GNB4: variants seen among roughly 807,000 people sequenced by gnomAD.
GNB4 encodes the protein G protein subunit beta 4, also known as guanine nucleotide-binding protein subunit beta-4.
Under a neutral mutation model 45.2 loss-of-function variants are expected in GNB4, and 28 were observed. The observed-to-expected ratio is 0.62, with a 90% CI of 0.46 to 0.85. The LOEUF is 0.85. Ranked by LOEUF, GNB4 falls within the 40% of genes least tolerant of loss-of-function variation. The pLI, the probability that GNB4 is intolerant of heterozygous loss-of-function variation, is 0.00. For synonymous variants in GNB4, 132 were observed against 143.7 expected (o/e 0.92, Z 0.58); for missense variants, 321 against 425.4 (o/e 0.75, Z 2.16).
chr3:179,468,031 T>TTAAAAAAAAAAAAAAAAAA, the GNB4 span, among the ~76,000 whole-genome samples: 1 of 67,284 alleles, frequency 1.5e-5, no homozygotes, highest in African/African-American at 6.1e-5. Flanking sequence ...ATTTTGTTGA[T>TTAAAAAAAAAAAAAAAAAA]AAAAATATAT....
chr3:179,398,406 T>C lies in GNB4; in HGVS notation c.*2807A>G, dbSNP rs1714184969. On this transcript the variant is annotated 3_prime_UTR_variant, in exon 10 of 10. Transcript: ENST00000232564. The stretch of plus-strand genomic sequence containing the variant: ...GGCACATGCCTATAGTCCCAGCTAC[T>C]TGGGAGGCTGAGGCACAAGAATTGC... 6.6e-6 allele frequency: 1 copy of C among 151,954 alleles called. No homozygotes were observed. The highest frequency in any genetic ancestry group is 1.5e-5 in the Non-Finnish European group (1 of 68,132). 9.4% of individuals were successfully genotyped at this position (151,954 alleles called of 1,614,324 possible).
intron 9 of GNB4, among the ~76,000 whole-genome samples, chr3:179,403,070 A>G (rs557487163): frequency 2.0e-5 from 3 of 152,302 alleles, no homozygotes; most frequent in African/African-American, 7.2e-5. Context: ...CAGCCAGTTT[A>G]TACACTTCAT....
intron 1 of GNB4, among the ~76,000 whole-genome samples, chr3:179,437,297 C>T (rs1715478197): frequency 6.6e-6 from 1 of 152,046 alleles, no homozygotes; most frequent in South Asian, 2.1e-4. Flanking sequence ...AAAAAAGAGA[C>T]TAAGAACCTA....
intron 8 of GNB4, among the ~76,000 whole-genome samples, chr3:179,409,176 A>AAAT (rs1156614988): frequency 6.6e-6 from 1 of 151,898 alleles, no homozygotes. Context: ...TAGAAATTTT[A>AAAT]AAAAGTTCCA....
At chr3:179,418,829 G>C (rs1202458305) in intron 4 of GNB4, among the ~76,000 whole-genome samples, 10 of 152,246 alleles carry the variant, frequency 6.6e-5, no homozygotes. Flanking sequence ...TATACACATA[G>C]TGAATGACAG....
the GNB4 span, among the ~76,000 whole-genome samples, chr3:179,518,283 A>G: frequency 1.3e-4 from 20 of 152,244 alleles, no homozygotes; most frequent in African/African-American, 4.8e-4. Flanking sequence ...ATGCTACAAG[A>G]TCTAAATAAT....
the GNB4 span, among the ~76,000 whole-genome samples, chr3:179,512,810 T>A: frequency 6.6e-6 from 1 of 152,236 alleles, no homozygotes; most frequent in Non-Finnish European, 1.5e-5. Flanking sequence ...TGCGTGCATG[T>A]ACGTGTGTGT....
chr3:179,508,928 A>ATGTGTG, the GNB4 span, among the ~76,000 whole-genome samples: 38 of 102,240 alleles, frequency 3.7e-4, 2 homozygotes, highest in African/African-American at 1.3e-3. Flanking sequence ...CTCTTTCAGC[A>ATGTGTG]TGTGTATATA....
the GNB4 span, among the ~76,000 whole-genome samples, chr3:179,510,213 C>T: frequency 6.6e-6 from 1 of 151,996 alleles, no homozygotes; most frequent in Non-Finnish European, 1.5e-5. Context: ...TATCCAAAAT[C>T]CCCAGTTTAC....
the GNB4 span, among the ~76,000 whole-genome samples, chr3:179,499,155 CTTTTTT>C: frequency 9.0e-6 from 1 of 111,506 alleles, no homozygotes. Context: ...GCCACATTTT[CTTTTTT>C]TTTTTTTTTT....
chr3:179,489,000 AAAAAAAAAAAAAAAAAAAAATATAT>A, the GNB4 span, among the ~76,000 whole-genome samples: 3 of 34,064 alleles, frequency 8.8e-5, 1 homozygote, highest in Non-Finnish European at 1.4e-4. Context: ...AAAAAAAAAA[AAAAAAAAAAAAAAAAAAAAATATAT>A]ATATATATAT....
chr3:179,520,045 C>A, the GNB4 span, among the ~76,000 whole-genome samples: 7 of 152,142 alleles, frequency 4.6e-5, no homozygotes. Context: ...CGTGGTGGCA[C>A]ACCCATATAC....
At chr3:179,405,447 G>A (rs749748675) in intron 8 of GNB4, 41 bp from the exon 9 acceptor site, 1 of 1,374,312 alleles carries the variant, frequency 7.3e-7, no homozygotes, top group Non-Finnish European at 1.0e-6. Context: ...ACAGATGTAT[G>A]CACAATCATA....
At chr3:179,489,237 C>T in the GNB4 span, among the ~76,000 whole-genome samples, 250 of 151,372 alleles carry the variant, frequency 1.7e-3, no homozygotes, top group African/African-American at 5.4e-3. Flanking sequence ...AAATAAAATG[C>T]TATGTAGAAT....
chr3:179,422,899 TCTC>T (rs1715033422), intron 2 of GNB4, among the ~76,000 whole-genome samples: 1 of 152,088 alleles, frequency 6.6e-6, no homozygotes, highest in Non-Finnish European at 1.5e-5. Context: ...TTCATGCCAT[TCTC>T]CTGCCTCAGC....
intron 1 of GNB4, among the ~76,000 whole-genome samples, chr3:179,430,699 C>A (rs755782629): frequency 5.9e-5 from 9 of 151,464 alleles, no homozygotes; most frequent in African/African-American, 2.2e-4. Context: ...TCAACTGGTC[C>A]TCCCACTTTG....
At chr3:179,403,194 C>T (rs62408882) in intron 9 of GNB4, among the ~76,000 whole-genome samples, 8 of 151,960 alleles carry the variant, frequency 5.3e-5, no homozygotes, top group African/African-American at 1.9e-4. Context: ...ACACCAGCCA[C>T]GTGCCCAGAG....
At chr3:179,508,956 A>ATATATG in the GNB4 span, among the ~76,000 whole-genome samples, 1 of 145,362 alleles carries the variant, frequency 6.9e-6, no homozygotes, top group Non-Finnish European at 1.5e-5. Flanking sequence ...ATATATATAT[A>ATATATG]GTCCCTGTAA....
At chr3:179,472,789 T>G in the GNB4 span, among the ~76,000 whole-genome samples, 1 of 152,236 alleles carries the variant, frequency 6.6e-6, no homozygotes, top group Non-Finnish European at 1.5e-5. Flanking sequence ...ATACTTTTGA[T>G]GGAGCATTCT....
Sources: gnomAD v4.1 joint callset for allele counts (sites outside exome capture counted in the v4.1 genomes callset) on GRCh38, gnomAD v4.1.1 for gene constraint, MANE v1.5 for transcripts, NCBI Gene and HGNC (gene_info 2026-07-23, HGNC 2026-07-21) for gene names.